The following CERKL variants were observed in gnomAD, a reference collection of about 807,000 sequenced individuals.
The protein encoded by CERKL is ceramide kinase-like protein.
Under a neutral mutation model 63.4 loss-of-function variants are expected in CERKL, and 61 were observed. The observed-to-expected ratio is 0.96, with a 90% CI of 0.78 to 1.19. The LOEUF is 1.19. Among genes scored for constraint, CERKL ranks in the 50% most tolerant of loss-of-function variants. CERKL has a pLI of 0.00. For synonymous variants in CERKL, 250 were observed against 230.5 expected, an observed-to-expected ratio of 1.08 and a Z score of -0.77; for missense variants, 675 against 655.5, an observed-to-expected ratio of 1.03 and a Z score of -0.33.
intron 1 of CERKL, among the ~76,000 whole-genome samples, chr2:181,615,161 A>C (rs1686136660): frequency 6.6e-6 from 1 of 152,186 alleles, no homozygotes; most frequent in Non-Finnish European, 1.5e-5. Context: ...TTCAGCACCC[A>C]CTTCCTATTG....
At chr2:181,621,014 C>A (rs551051644) in intron 1 of CERKL, among the ~76,000 whole-genome samples, 2 of 152,168 alleles carry the variant, frequency 1.3e-5, no homozygotes, top group African/African-American at 4.8e-5. Flanking sequence ...ACATTCAAGA[C>A]AAAGGTCATG....
At chr2:181,547,090 C>A (rs887833335) in intron 10 of CERKL, among the ~76,000 whole-genome samples, 2 of 152,164 alleles carry the variant, frequency 1.3e-5, no homozygotes, top group Admixed American at 6.5e-5. Flanking sequence ...TGAGATGTGA[C>A]TTTCATCTTC....
chr2:181,538,058 T>C lies in CERKL; in HGVS notation c.*126A>G, dbSNP rs776550772. Reference sequence around the variant, plus strand: ...AGTTCATCCTGAAACCATTCCCCCATCCACGGAAAAATTGTCTTCCATGAA... The same window carrying C: ...AGTTCATCCTGAAACCATTCCCCCACCCACGGAAAAATTGTCTTCCATGAA... On this transcript the variant is annotated 3_prime_UTR_variant, in exon 13 of 13. Coordinates refer to ENST00000410087, the MANE Select transcript of CERKL (RefSeq NM_201548.5). 2.8e-6 allele frequency: 2 copies of C among 710,250 alleles called. No homozygotes were observed. 44.0% of individuals were successfully genotyped at this position (710,250 alleles called of 1,614,324 possible).
chr2:181,538,738 C>T (rs1687335395), intron 12 of CERKL, among the ~76,000 whole-genome samples: 1 of 152,136 alleles, frequency 6.6e-6, no homozygotes, highest in African/African-American at 2.4e-5. Flanking sequence ...AAAAATCTAA[C>T]ACTTTACTAT....
chr2:181,636,092 T>C (rs1001851622), intron 1 of CERKL, among the ~76,000 whole-genome samples: 9 of 152,180 alleles, frequency 5.9e-5, no homozygotes, highest in Admixed American at 5.9e-4. Context: ...GAGCAATTTC[T>C]CCAGTTTGTG....
At position 181,604,047 on chromosome 2, in the gene CERKL, C is replaced by A. The variant is rs748876465; in HGVS notation, c.271G>T (p.Glu91Ter). The change falls in exon 2 of 13, where the codon GAA (glutamate) becomes TAA (stop). Residue 91 changes from glutamate to a stop codon, truncating the protein, a stop_gained. Coordinates refer to ENST00000410087, the MANE Select transcript of CERKL (RefSeq NM_201548.5). LOFTEE classifies it high-confidence loss of function. The part of the protein sequence containing the change: ...DSKYDLLCKE[E>*]FIELKDIFSV... ...AATATGTCTTTGAGTTCAATAAATT[C>A]TTCTTTACATAGCAAGTCATACTTA... The A allele has an allele frequency of 6.9e-6, 11 of 1,604,002 alleles. No homozygotes were observed. The highest frequency in any genetic ancestry group is 6.8e-6 in the Non-Finnish European group (8 of 1,172,016).
chr2:181,623,433 G>T (rs1031580368), intron 1 of CERKL, among the ~76,000 whole-genome samples: 28 of 152,172 alleles, frequency 1.8e-4, no homozygotes, highest in African/African-American at 6.5e-4. Flanking sequence ...ACTAATAAGT[G>T]TTTGTGTTAA....
intron 2 of CERKL, among the ~76,000 whole-genome samples, chr2:181,593,425 T>A (rs1367136707): frequency 6.6e-6 from 1 of 152,150 alleles, no homozygotes; most frequent in East Asian, 1.9e-4. Context: ...TTTGTGGAGT[T>A]AGGACTTGAA....
intron 5 of CERKL, 149 bp from the exon 6 acceptor site, chr2:181,549,857 GAAGTTT>G (rs1322254242): frequency 2.7e-5 from 18 of 678,462 alleles, no homozygotes; most frequent in Non-Finnish European, 4.1e-5. Flanking sequence ...GTGAATATTA[GAAGTTT>G]AAGTTCTTAT....
intron 2 of CERKL, among the ~76,000 whole-genome samples, chr2:181,580,619 C>G (rs563013948): frequency 5.4e-4 from 82 of 152,242 alleles, no homozygotes; most frequent in African/African-American, 1.9e-3. Flanking sequence ...TCCATGTAGG[C>G]TTTAAAATGT....
At chr2:181,539,324 A>C (rs528802742) in intron 11 of CERKL, 60 bp from the exon 12 acceptor site, 3 of 1,054,952 alleles carry the variant, frequency 2.8e-6, no homozygotes, top group Non-Finnish European at 4.4e-6. Flanking sequence ...AACGCGAATC[A>C]AAGTTCACTG....
At chr2:181,635,803 G>A (rs933334343) in intron 1 of CERKL, among the ~76,000 whole-genome samples, 4 of 152,136 alleles carry the variant, frequency 2.6e-5, no homozygotes, top group Admixed American at 6.6e-5. Context: ...AAAATGGTAT[G>A]AACAGCTATT....
intron 4 of CERKL, among the ~76,000 whole-genome samples, chr2:181,559,250 C>T (rs1559077324): frequency 6.6e-6 from 1 of 152,062 alleles, no homozygotes; most frequent in African/African-American, 2.4e-5. Context: ...TATTGCTATA[C>T]GGTGCTTCTA....
At chr2:181,648,789 T>C (rs1389615543) in intron 1 of CERKL, among the ~76,000 whole-genome samples, 3 of 152,156 alleles carry the variant, frequency 2.0e-5, no homozygotes, top group Non-Finnish European at 2.9e-5. Flanking sequence ...AAATTAGGGA[T>C]GGCGGAGGAA....
At chr2:181,614,901 T>C (rs181770489) in intron 1 of CERKL, among the ~76,000 whole-genome samples, 178 of 152,336 alleles carry the variant, frequency 1.2e-3, no homozygotes, top group African/African-American at 4.1e-3. Flanking sequence ...TAGATAAAAA[T>C]ATAGAAATCA....
At chr2:181,612,740 T>A (rs1686020044) in intron 1 of CERKL, among the ~76,000 whole-genome samples, 1 of 152,152 alleles carries the variant, frequency 6.6e-6, no homozygotes, top group African/African-American at 2.4e-5. Flanking sequence ...AATTATTTTT[T>A]AATTACAACT....
intron 1 of CERKL, among the ~76,000 whole-genome samples, 158 bp downstream of exon 1, chr2:181,656,611 C>CT (rs1688167936): frequency 6.6e-6 from 1 of 150,648 alleles, no homozygotes; most frequent in African/African-American, 2.4e-5. Context: ...GAGGCGGCGA[C>CT]TTGGGGACTC....
chr2:181,654,684 TACC>T (rs1435863966), intron 1 of CERKL, among the ~76,000 whole-genome samples: 5 of 152,226 alleles, frequency 3.3e-5, no homozygotes, highest in Admixed American at 1.3e-4. Flanking sequence ...TTTAATCTTT[TACC>T]ACTCACATCT....
At chr2:181,629,585 G>C (rs375108173) in intron 1 of CERKL, among the ~76,000 whole-genome samples, 27 of 152,082 alleles carry the variant, frequency 1.8e-4, no homozygotes, top group African/African-American at 6.3e-4. Flanking sequence ...TAATAAATGG[G>C]GGGGTGGTTC....
Sources: gnomAD v4.1 joint callset for allele counts (sites outside exome capture counted in the v4.1 genomes callset) on GRCh38, gnomAD v4.1.1 for gene constraint, MANE v1.5 for transcripts, NCBI Gene and HGNC (gene_info 2026-07-23, HGNC 2026-07-21) for gene names.